SYNPO: variants seen among roughly 807,000 people sequenced by gnomAD.
SYNPO encodes the protein synaptopodin.
In SYNPO, 19 loss-of-function variants were observed where a neutral mutation model predicts 49.5. The ratio of observed to expected loss-of-function variants is 0.38; its 90% CI spans 0.27 to 0.56. The LOEUF (loss-of-function observed/expected upper bound fraction) is 0.56, where lower values mean the gene tolerates loss of function less well. SYNPO is among the 20% of genes least tolerant of loss of function. SYNPO has a pLI of 0.68. For synonymous variants in SYNPO, 536 were observed against 548.0 expected, an observed-to-expected ratio of 0.98 and a Z score of 0.31; for missense variants, 1,131 against 1,248.3, an observed-to-expected ratio of 0.91 and a Z score of 1.42.
Position 150,650,127 on chromosome 5 carries a change from C to G in SYNPO, c.1852C>G (p.Arg618Gly). The G allele has an allele frequency of 3.7e-6, 6 of 1,613,202 alleles. No homozygotes were observed. The South Asian group carries it at 4.4e-5, about 12-fold the overall frequency. The change falls in exon 2 of 3, where the codon CGC becomes GGC. Residue 618 changes from arginine (R) to glycine (G), a missense_variant. By Grantham distance (125) the Arg-to-Gly change is moderately radical. Around this residue, in one of 4 missense-constraint regions of SYNPO, gnomAD observed 509 missense variants for 484.5 expected, o/e 1.05. Coordinates refer to ENST00000307662, the MANE Select transcript of SYNPO (RefSeq NM_007286.6). ...PPSPALPRPS[R>G]SSPGLYTSPG... is the part of the protein sequence containing the mutation. ...ATCTCCTGCCCTGCCTCGGCCCTCGCGCTCCTCACCGGGCCTCTACACCTC... is the reference window on the plus strand; with the variant it reads ...ATCTCCTGCCCTGCCTCGGCCCTCGGGCTCCTCACCGGGCCTCTACACCTC...
At chr5:150,615,811 G>A (rs141517372) in intron 1 of SYNPO, among the ~76,000 whole-genome samples, 1 of 152,318 alleles carries the variant, frequency 6.6e-6, no homozygotes, top group Non-Finnish European at 1.5e-5. Context: ...AGCTAGGTTG[G>A]AATCCCAGCC....
intron 1 of SYNPO, among the ~76,000 whole-genome samples, chr5:150,613,834 T>A (rs1001125843): frequency 2.0e-5 from 3 of 152,162 alleles, no homozygotes; most frequent in Non-Finnish European, 4.4e-5. Context: ...AAGGACCCCA[T>A]GCCCTGACTT....
intron 2 of SYNPO, among the ~76,000 whole-genome samples, chr5:150,634,444 G>A (rs943159666): frequency 1.3e-5 from 2 of 152,228 alleles, no homozygotes; most frequent in Admixed American, 1.3e-4. Context: ...ACGTGAGGAT[G>A]CTGGTGGTGG....
chr5:150,602,446 A>G (rs1465274750), intron 1 of SYNPO, among the ~76,000 whole-genome samples: 1 of 152,162 alleles, frequency 6.6e-6, no homozygotes, highest in East Asian at 1.9e-4. Flanking sequence ...TTTTACCTAC[A>G]TTAGGGAAAG....
the SYNPO span, among the ~76,000 whole-genome samples, chr5:150,593,701 C>T: frequency 5.3e-5 from 8 of 152,300 alleles, no homozygotes; most frequent in South Asian, 1.2e-3. Context: ...CTCAAGTAGT[C>T]CCCCTACTTG....
intron 2 of SYNPO, among the ~76,000 whole-genome samples, chr5:150,634,945 T>C (rs1757665423): frequency 6.6e-6 from 1 of 152,150 alleles, no homozygotes; most frequent in African/African-American, 2.4e-5. Flanking sequence ...CAGATTTTAA[T>C]GTACCCTTGG....
In SYNPO at chr5:150,657,285, G is replaced by A. The variant is rs926977418; in HGVS notation, c.*198G>A. The A allele has an allele frequency of 5.4e-5, 34 of 625,608 alleles. No homozygotes were observed. The highest frequency in any genetic ancestry group is 4.3e-4 in the Middle Eastern group (1 of 2,314). 38.8% of individuals were successfully genotyped at this position (625,608 alleles called of 1,614,324 possible). A position where few individuals can be genotyped will look rare whatever the true frequency, so the allele number is the denominator to read the frequency against. ...TCTCATTCAGCTGTTGTGTGACCCT[G>A]GGTAAGACCCTTCCTTGTTTGACCC... On this transcript the variant is annotated 3_prime_UTR_variant, in exon 3 of 3. Coordinates refer to ENST00000307662, the MANE Select transcript of SYNPO (RefSeq NM_007286.6).
intron 2 of SYNPO, among the ~76,000 whole-genome samples, chr5:150,625,887 T>G (rs1017314086): frequency 9.2e-5 from 14 of 152,246 alleles, no homozygotes; most frequent in African/African-American, 3.4e-4. Context: ...GAATGGCAGG[T>G]GGCACTGGAA....
At chr5:150,638,491 G>C (rs1001966560), upstream of SYNPO, among the ~76,000 whole-genome samples, 1 of 152,226 alleles carries the variant, frequency 6.6e-6, no homozygotes, top group Admixed American at 6.5e-5. Flanking sequence ...GAAGGGGGAG[G>C]CTTTGGATTC....
In SYNPO at chr5:150,656,633, T is replaced by G. The variant is rs775850216; in HGVS notation, c.2258T>G (p.Leu753Arg). 1 of 1,509,386 alleles carries G rather than the reference T, an allele frequency of 6.6e-7. No homozygotes were observed. Among genetic ancestry groups the G allele is most frequent in the South Asian group, 1.2e-5 (1 of 81,278 alleles). 93.5% of individuals were successfully genotyped at this position (1,509,386 alleles called of 1,614,324 possible). ...ETEARPPSRQ[L>R]QALLARNIIN... ...GAGGCGCGGCCCCCCAGCCGCCAGC[T>G]GCAGGCGCTTCTGGCGCGAAACATC... is the stretch of plus-strand genomic sequence containing the variant. Residue 753 changes from leucine to arginine, a missense_variant, in exon 3 of 3, where the codon CTG (leucine) becomes CGG (arginine). Physicochemically the swap from Leu to Arg is moderately radical, Grantham distance 102. Transcript: ENST00000307662.
chr5:150,656,842 A>G lies in SYNPO; in HGVS notation c.2467A>G (p.Ile823Val), dbSNP rs931307329. ...AAVPGAAFAPIPRSPLPAGPS... is the reference protein window; with the variant it reads ...AAVPGAAFAPVPRSPLPAGPS... ...TGTGCCGGGGGCAGCCTTCGCGCCC[A>G]TCCCGCGGAGCCCGTTGCCCGCCGG... The change falls in exon 3 of 3, where the codon ATC (isoleucine) becomes GTC (valine). Residue 823 changes from isoleucine to valine, a missense_variant. Physicochemically the swap from Ile to Val is conservative, Grantham distance 29. Transcript: ENST00000307662. 24 of 1,471,924 alleles carry G rather than the reference A, an allele frequency of 1.6e-5. No homozygotes were observed. Among genetic ancestry groups the G allele is most frequent in the African/African-American group, 1.0e-4 (7 of 67,698 alleles). The allele number at this position is 1,471,924 out of a possible 1,614,324, so 91.2% of individuals were successfully genotyped here.
rs145586254 is a variant in SYNPO, at chr5:150,650,234, G to A, written c.1959G>A (p.Ala653=). 2.6e-4 allele frequency: 414 copies of A among 1,613,946 alleles called. 2 individuals are homozygous for A. In the Middle Eastern group the frequency reaches 5.1e-3, roughly 20 times the overall value. ...GDISPVSPSR[A]WSPRAKQAPR... is the part of the protein sequence containing the mutation. ...TCTCCCCCGTGTCTCCCTCCAGGGCGTGGTCTCCCCGAGCCAAGCAGGCCC... is the reference window on the plus strand; with the variant it reads ...TCTCCCCCGTGTCTCCCTCCAGGGCATGGTCTCCCCGAGCCAAGCAGGCCC... The change falls in exon 2 of 3, where the codon GCG becomes GCA. Residue 653 remains alanine (A), a synonymous_variant. Transcript: ENST00000307662.
chr5:150,604,482 G>T (rs1344361290), intron 1 of SYNPO, among the ~76,000 whole-genome samples: 1 of 152,176 alleles, frequency 6.6e-6, no homozygotes, highest in East Asian at 1.9e-4. Flanking sequence ...CCTGGGTTTG[G>T]TAGGGGCAGT....
At chr5:150,651,510 G>A (rs1365996620) in intron 2 of SYNPO, 3 of 1,001,086 alleles carry the variant, frequency 3.0e-6, no homozygotes, top group East Asian at 1.1e-4. Context: ...CCAAAGGACA[G>A]GTGGCGTTAG....
In SYNPO at chr5:150,648,020, G is replaced by A; in HGVS notation, c.-256G>A. 1 of 1,551,880 alleles carries A rather than the reference G, an allele frequency of 6.4e-7. No individual in the cohort carries two copies. The highest frequency in any genetic ancestry group is 8.7e-7 in the Non-Finnish European group (1 of 1,147,006). ...CGCGGAGCCAGCAGATTGCAGCCCA[G>A]CTGACCACCCCTCCCAGCTCCAATT... On this transcript the variant is annotated 5_prime_UTR_variant, in exon 2 of 3. Transcript: ENST00000307662. The surrounding 1 kb of genome is among the most constrained non-coding windows in gnomAD (Gnocchi z 5.0).
intron 1 of SYNPO, among the ~76,000 whole-genome samples, chr5:150,603,547 T>C (rs1038600780): frequency 6.6e-6 from 1 of 152,270 alleles, no homozygotes; most frequent in Non-Finnish European, 1.5e-5. Flanking sequence ...ATTTGTCTCA[T>C]CACCAGCTCT....
Position 150,657,148 on chromosome 5 carries a change from G to A in SYNPO, c.*61G>A, listed in dbSNP as rs1264352634. Reference sequence around the variant, plus strand: ...CCAGAAGAAGGCTCATTAGACCTGGGGGACCCAAAGGGTCTGGCCTCTTTG... The same window carrying A: ...CCAGAAGAAGGCTCATTAGACCTGGAGGACCCAAAGGGTCTGGCCTCTTTG... On this transcript the variant is annotated 3_prime_UTR_variant, in exon 3 of 3. Transcript: ENST00000307662. 6.7e-7 allele frequency: 1 copy of A among 1,501,624 alleles called. No individual in the cohort carries two copies. The highest frequency in any genetic ancestry group is 2.0e-5 in the Admixed American group (1 of 49,214). The allele number at this position is 1,501,624 out of a possible 1,614,324, so 93.0% of individuals were successfully genotyped here. A position where few individuals can be genotyped will look rare whatever the true frequency, so the allele number is the denominator to read the frequency against.
chr5:150,604,272 C>A (rs62380572), intron 1 of SYNPO, among the ~76,000 whole-genome samples: 1 of 152,204 alleles, frequency 6.6e-6, no homozygotes, highest in Non-Finnish European at 1.5e-5. Context: ...GGAGGATGAG[C>A]GCTTAAAGAG....
chr5:150,640,650 C>T (rs767596654), upstream of SYNPO: 20 of 985,416 alleles, frequency 2.0e-5, no homozygotes, highest in East Asian at 4.5e-4. Flanking sequence ...GTTGCAAAAT[C>T]GGTTTTCCTG....
Sources: gnomAD v4.1 joint callset for allele counts (sites outside exome capture counted in the v4.1 genomes callset) on GRCh38, gnomAD v4.1.1 for gene constraint, gnomAD v4.1.1 regional missense constraint, Gnocchi (gnomAD v3.1) non-coding constraint, MANE v1.5 for transcripts, NCBI Gene and HGNC (gene_info 2026-07-23, HGNC 2026-07-21) for gene names.